Variants in NELL1 observed in about 807,000 individuals in gnomAD.
NELL1 encodes the protein protein kinase C-binding protein NELL1.
Under a neutral mutation model 107.4 loss-of-function variants are expected in NELL1, and 76 were observed. That is an observed-to-expected ratio of 0.71 (90% CI 0.59 to 0.86). The LOEUF is 0.86. NELL1 is among the 40% of genes least tolerant of loss of function. The pLI, the probability that NELL1 is intolerant of heterozygous loss-of-function variation, is 0.00. For missense variants in NELL1, 1,024 were observed against 1,005.5 expected (o/e 1.02, Z -0.25); for synonymous variants, 353 against 341.2 (o/e 1.03, Z -0.38).
intron 5 of NELL1, among the ~76,000 whole-genome samples, chr11:20,911,856 C>T (rs1358502719): frequency 2.0e-5 from 3 of 152,114 alleles, no homozygotes; most frequent in African/African-American, 4.8e-5. Context: ...GAAGAAATGG[C>T]TGGGGTAGGG....
chr11:21,277,243 T>C (rs1848885838), intron 14 of NELL1, among the ~76,000 whole-genome samples: 3 of 152,138 alleles, frequency 2.0e-5, no homozygotes, highest in Admixed American at 1.3e-4. Flanking sequence ...GTGAAGGATA[T>C]GAACAGACAC....
chr11:20,837,103 C>T (rs78934538), intron 3 of NELL1, among the ~76,000 whole-genome samples: 10 of 152,004 alleles, frequency 6.6e-5, no homozygotes, highest in Non-Finnish European at 1.2e-4. Context: ...AAATTAATGG[C>T]GTATGTAGGA....
At chr11:21,148,979 C>G (rs968890831) in intron 13 of NELL1, among the ~76,000 whole-genome samples, 2 of 152,160 alleles carry the variant, frequency 1.3e-5, no homozygotes, top group Non-Finnish European at 2.9e-5. Context: ...TTCTTCCCTA[C>G]TCTGTCTCTT....
intron 13 of NELL1, among the ~76,000 whole-genome samples, chr11:21,189,533 A>T (rs1278626661): frequency 6.6e-6 from 1 of 151,812 alleles, no homozygotes; most frequent in Non-Finnish European, 1.5e-5. Flanking sequence ...TACTTTAGAC[A>T]AGGCATGTGC....
intron 15 of NELL1, chr11:21,383,839 A>T (rs73457922): frequency 6.6e-6 from 1 of 151,690 alleles, no homozygotes. Context: ...ATCAGTACCA[A>T]CCAGGCCCGA....
chr11:21,105,846 C>CT (rs1854947157), intron 12 of NELL1, among the ~76,000 whole-genome samples: 1 of 1,106 alleles, frequency 9.0e-4, no homozygotes, highest in African/African-American at 4.4e-3. Context: ...TCTCCCCTCC[C>CT]TTCCCTCTCT....
chr11:21,538,620 T>G (rs752119453), intron 16 of NELL1, among the ~76,000 whole-genome samples: 14 of 152,182 alleles, frequency 9.2e-5, no homozygotes, highest in Non-Finnish European at 1.9e-4. Context: ...AGTGATTTGT[T>G]GGCACTGTAG....
intron 15 of NELL1, among the ~76,000 whole-genome samples, chr11:21,423,645 C>G (rs569655906): frequency 1.3e-3 from 205 of 152,148 alleles, no homozygotes; most frequent in African/African-American, 4.6e-3. Context: ...GACACGTGCA[C>G]GACACTTTAC....
chr11:21,318,549 T>A (rs1405795491), intron 14 of NELL1, among the ~76,000 whole-genome samples: 2 of 152,198 alleles, frequency 1.3e-5, no homozygotes, highest in Non-Finnish European at 2.9e-5. Context: ...ACTCCTTCTT[T>A]CAGGAAGGAC....
chr11:21,051,504 A>G (rs796921679), intron 12 of NELL1, among the ~76,000 whole-genome samples: 11 of 152,250 alleles, frequency 7.2e-5, no homozygotes, highest in African/African-American at 2.6e-4. Flanking sequence ...ATGTAACTAA[A>G]CACCACCTGT....
intron 5 of NELL1, among the ~76,000 whole-genome samples, chr11:20,916,955 C>T (rs75360909): frequency 6.6e-6 from 1 of 151,850 alleles, no homozygotes; most frequent in African/African-American, 2.4e-5. Flanking sequence ...GGAGACAGAT[C>T]CAGAACTTGA....
chr11:21,063,144 A>G (rs1853782940), intron 12 of NELL1, among the ~76,000 whole-genome samples: 1 of 152,172 alleles, frequency 6.6e-6, no homozygotes, highest in Admixed American at 6.6e-5. Context: ...CACTGGGCCC[A>G]GCTGCTTATA....
At chr11:20,853,806 A>T (rs1009668997) in intron 4 of NELL1, among the ~76,000 whole-genome samples, 2 of 152,192 alleles carry the variant, frequency 1.3e-5, no homozygotes, top group African/African-American at 4.8e-5. Flanking sequence ...GTTTGCCAGT[A>T]GTTTGTCTTT....
chr11:21,114,153 A>G (rs536342562), intron 13 of NELL1, among the ~76,000 whole-genome samples: 1 of 152,130 alleles, frequency 6.6e-6, no homozygotes, highest in East Asian at 1.9e-4. Flanking sequence ...AAGTTTAGGT[A>G]TATGGGAGCT....
In NELL1 at chr11:21,181,704, TTCTC is replaced by T. The variant is rs1336505548; in HGVS notation, c.1427-47624_1427-47621del. On this transcript the variant is annotated intron_variant, in intron 13 of 19. Coordinates refer to ENST00000357134, the MANE Select transcript of NELL1 (RefSeq NM_006157.5). The stretch of plus-strand genomic sequence containing the variant: ...ACACTTAATTTTGTTAACATTTCTT[TTCTC>T]TCTATTATCGCAGGCTAAATTTTTC... Among the ~76,000 whole-genome samples the T allele has an allele frequency of 9.9e-5, 15 of 151,990 alleles. 1 individual carries two copies. Among genetic ancestry groups the T allele is most frequent in the African/African-American group, 3.4e-4 (14 of 41,224 alleles).
chr11:20,879,071 A>G (rs961363446), intron 4 of NELL1, among the ~76,000 whole-genome samples: 2 of 152,156 alleles, frequency 1.3e-5, no homozygotes, highest in Non-Finnish European at 1.5e-5. Flanking sequence ...GACCCGGAAG[A>G]TAATTGGTGG....
rs10500906 is a variant in NELL1, at chr11:21,378,499, G to T, written c.1645+7551G>T. 1.6e-3 allele frequency among the ~76,000 whole-genome samples: 248 copies of T among 151,900 alleles called. 7 individuals are homozygous for T. In the South Asian group the frequency reaches 0.05, roughly 31 times the overall value. ...ACCTTCTTACAGTCTTAGGAACCAG[G>T]TTGGTATGGAAACTCAGCCTACTCT... On this transcript the variant is annotated intron_variant, in intron 15 of 19. Transcript: ENST00000357134.
At chr11:20,739,093 T>C (rs1239811190) in intron 2 of NELL1, among the ~76,000 whole-genome samples, 1 of 152,264 alleles carries the variant, frequency 6.6e-6, no homozygotes, top group Non-Finnish European at 1.5e-5. Context: ...ACATTTCAAG[T>C]GCTCAGTAAT....
At chr11:20,709,763 G>A (rs1461705704) in intron 2 of NELL1, among the ~76,000 whole-genome samples, 2 of 151,900 alleles carry the variant, frequency 1.3e-5, no homozygotes, top group Admixed American at 6.6e-5. Flanking sequence ...CACGTCCTTG[G>A]TTAGGTATAT....
Sources: gnomAD v4.1 joint callset for allele counts (sites outside exome capture counted in the v4.1 genomes callset) on GRCh38, gnomAD v4.1.1 for gene constraint, MANE v1.5 for transcripts, NCBI Gene and HGNC (gene_info 2026-07-23, HGNC 2026-07-21) for gene names.